The following PLCB1 variants were observed in gnomAD, a reference collection of about 807,000 sequenced individuals.
PLCB1 encodes 1-phosphatidylinositol 4,5-bisphosphate phosphodiesterase beta-1.
PLCB1 carries 46 observed loss-of-function variants against 161.8 expected under a neutral mutation model. The ratio of observed to expected loss-of-function variants is 0.28; its 90% CI spans 0.22 to 0.36. The LOEUF (loss-of-function observed/expected upper bound fraction) is 0.36. Among genes scored for constraint, PLCB1 ranks in the 10% least tolerant of loss-of-function variants. The pLI, the probability that PLCB1 is intolerant of heterozygous loss-of-function variation, is 1.00. For synonymous variants in PLCB1, 517 were observed against 503.7 expected (o/e 1.03, Z -0.35); for missense variants, 1,016 against 1,472.5 (o/e 0.69, Z 5.07).
chr20:8,351,134 G>A (rs1270631931), intron 2 of PLCB1, among the ~76,000 whole-genome samples: 2 of 152,028 alleles, frequency 1.3e-5, no homozygotes, highest in Non-Finnish European at 2.9e-5. Flanking sequence ...GCATGGTGTT[G>A]GCAAATTAGA....
intron 3 of PLCB1, among the ~76,000 whole-genome samples, chr20:8,592,790 G>A (rs6086525): frequency 0.43 from 65,528 of 151,938 alleles, 14,930 homozygotes; most frequent in Non-Finnish European, 0.52. Context: ...TTTTAATCTA[G>A]CAGTTACACT....
intron 3 of PLCB1, among the ~76,000 whole-genome samples, chr20:8,563,291 A>G (rs1307398916): frequency 6.6e-6 from 1 of 152,036 alleles, no homozygotes; most frequent in African/African-American, 2.4e-5. Flanking sequence ...GAAAAAAAGC[A>G]ATCAATTTAA....
chr20:8,288,966 G>A (rs545323439), intron 2 of PLCB1, among the ~76,000 whole-genome samples: 2 of 152,102 alleles, frequency 1.3e-5, no homozygotes, highest in African/African-American at 2.4e-5. Context: ...TTCTAAACAA[G>A]TGCCAGGCAC....
chr20:8,728,407 T>C (rs1000705104), intron 17 of PLCB1, among the ~76,000 whole-genome samples: 1 of 152,004 alleles, frequency 6.6e-6, no homozygotes, highest in African/African-American at 2.4e-5. Context: ...ATTCTTAGGA[T>C]AGAAAACTGA....
At chr20:8,173,520 T>G (rs1336291351) in intron 2 of PLCB1, among the ~76,000 whole-genome samples, 1 of 152,130 alleles carries the variant, frequency 6.6e-6, no homozygotes, top group Non-Finnish European at 1.5e-5. Flanking sequence ...TAAACCAGGG[T>G]GACTACCTGC....
chr20:8,244,629 C>G (rs1329753524), intron 2 of PLCB1, among the ~76,000 whole-genome samples: 1 of 151,814 alleles, frequency 6.6e-6, no homozygotes, highest in Non-Finnish European at 1.5e-5. Flanking sequence ...ATGGAGATGT[C>G]TAAGTGGTGC....
At chr20:8,246,816 AT>A in intron 2 of PLCB1, among the ~76,000 whole-genome samples, 1 of 151,722 alleles carries the variant, frequency 6.6e-6, no homozygotes, top group African/African-American at 2.4e-5. Flanking sequence ...TTCTCGGGGA[AT>A]TTTTTTCTGA....
At chr20:8,458,770 C>A (rs1981441414) in intron 3 of PLCB1, among the ~76,000 whole-genome samples, 1 of 152,174 alleles carries the variant, frequency 6.6e-6, no homozygotes, top group South Asian at 2.1e-4. Context: ...AAGAAGCTGA[C>A]CTTCCAAGCT....
chr20:8,486,133 C>T (rs2122760643), intron 3 of PLCB1, among the ~76,000 whole-genome samples: 1 of 152,246 alleles, frequency 6.6e-6, no homozygotes, highest in African/African-American at 2.4e-5. Flanking sequence ...TGGTAACCGC[C>T]CCCATGATCC....
At position 8,371,698 on chromosome 20, in the gene PLCB1, G is replaced by T. The variant is rs191818678; in HGVS notation, c.246+248G>T. The T allele has an allele frequency of 2.6e-5, 10 of 381,110 alleles. No homozygotes were observed. In the East Asian group the frequency reaches 3.1e-4, roughly 12 times the overall value. The allele number at this position is 381,110 out of a possible 1,614,324, so 23.6% of individuals were successfully genotyped here. On this transcript the variant is annotated intron_variant, in intron 3 of 31. Transcript: ENST00000338037. ...CCTTTGTTTGAAAAAAAAAGACAAC[G>T]ACAACAATGCCCAAGTTACTGGGTA...
chr20:8,593,888 T>C (rs1203014116), intron 3 of PLCB1, among the ~76,000 whole-genome samples: 2 of 151,966 alleles, frequency 1.3e-5, no homozygotes, highest in Admixed American at 6.6e-5. Context: ...ATCTGTGTTA[T>C]TTTATTTTAT....
rs149615486 is a variant in PLCB1, at chr20:8,670,159, C to G, written c.862+11455C>G. On this transcript the variant is annotated intron_variant, in intron 9 of 31. Coordinates refer to ENST00000338037, the MANE Select transcript of PLCB1 (RefSeq NM_015192.4). ...AAGCTGTACTTAAGAGAGACAGGTT[C>G]TAATCTGGATTCTGTTCTTATCTTT... is the stretch of plus-strand genomic sequence containing the variant. Among the ~76,000 whole-genome samples the G allele has an allele frequency of 2.8e-3, 426 of 152,314 alleles. 2 individuals are homozygous for G. Among genetic ancestry groups the G allele is most frequent in the Middle Eastern group, 0.01 (3 of 294 alleles).
intron 14 of PLCB1, among the ~76,000 whole-genome samples, chr20:8,720,858 T>TA (rs1390912999): frequency 1.2e-4 from 17 of 144,086 alleles, no homozygotes; most frequent in Admixed American, 8.2e-4. Context: ...TTTTTTTTTT[T>TA]AAAAAAAAAA....
Position 8,132,787 on chromosome 20 carries a change from C to A in PLCB1, c.99+37C>A. 7.0e-7 allele frequency: 1 copy of A among 1,435,782 alleles called. No homozygotes were observed. Among genetic ancestry groups the A allele is most frequent in the Non-Finnish European group, 9.8e-7 (1 of 1,023,828 alleles). 88.9% of individuals were successfully genotyped at this position (1,435,782 alleles called of 1,614,324 possible). A position where few individuals can be genotyped will look rare whatever the true frequency, so the allele number is the denominator to read the frequency against. The stretch of plus-strand genomic sequence containing the variant: ...GGCGGCCCGAGTCGGGGCGCTGGCT[C>A]GGGCACCGGGCAGGGCGGGCGTCGT... On this transcript the variant is annotated intron_variant, in intron 1 of 31. Transcript: ENST00000338037. The surrounding 1 kb of genome is among the most constrained non-coding windows in gnomAD (Gnocchi z 5.2).
intron 23 of PLCB1, among the ~76,000 whole-genome samples, chr20:8,744,500 C>T (rs944504983): frequency 4.6e-5 from 7 of 151,700 alleles, no homozygotes; most frequent in African/African-American, 7.3e-5. Flanking sequence ...CCCAGCTACT[C>T]GGGAGCCTGA....
intron 1 of PLCB1, among the ~76,000 whole-genome samples, chr20:8,147,936 G>A (rs967265108): frequency 1.0e-4 from 15 of 146,448 alleles, no homozygotes; most frequent in Admixed American, 5.6e-4. Context: ...GCAGTGGTGC[G>A]ATCTCAGCTC....
intron 26 of PLCB1, among the ~76,000 whole-genome samples, chr20:8,768,856 A>G (rs1982517771): frequency 6.6e-6 from 1 of 152,266 alleles, no homozygotes; most frequent in Non-Finnish European, 1.5e-5. Context: ...CAGATGCATG[A>G]AATAAATATG....
intron 31 of PLCB1, among the ~76,000 whole-genome samples, chr20:8,793,852 A>G (rs1451670310): frequency 1.3e-5 from 2 of 152,196 alleles, no homozygotes; most frequent in East Asian, 1.9e-4. Context: ...TGGGAGCACT[A>G]TGGGAGACTG....
intron 1 of PLCB1, among the ~76,000 whole-genome samples, chr20:8,139,018 A>G (rs1027792474): frequency 2.4e-4 from 37 of 151,144 alleles, no homozygotes; most frequent in African/African-American, 8.7e-4. Flanking sequence ...ATTTATACTA[A>G]AATTATTTTA....
Sources: gnomAD v4.1 joint callset for allele counts (sites outside exome capture counted in the v4.1 genomes callset) on GRCh38, gnomAD v4.1.1 for gene constraint, Gnocchi (gnomAD v3.1) non-coding constraint, MANE v1.5 for transcripts, NCBI Gene and HGNC (gene_info 2026-07-23, HGNC 2026-07-21) for gene names.